EYS: variants seen among roughly 807,000 people sequenced by gnomAD.
EYS encodes EGF-like photoreceptor maintenance factor, also known as protein eyes shut homolog.
A neutral mutation model predicts 282.1 loss-of-function variants in EYS; 250 were observed. The observed-to-expected ratio is 0.89, with a 90% CI of 0.80 to 0.98. The LOEUF is 0.98. EYS is among the 50% of genes least tolerant of loss of function. The pLI, the probability that EYS is intolerant of heterozygous loss-of-function variation, is 0.00. For synonymous variants in EYS, 1,355 were observed against 1,282.9 expected (o/e 1.06, Z -1.20); for missense variants, 4,016 against 3,709.0 (o/e 1.08, Z -2.15).
intron 26 of EYS, among the ~76,000 whole-genome samples, chr6:64,493,037 A>G (rs1776785161): frequency 6.6e-6 from 1 of 151,428 alleles, no homozygotes; most frequent in Non-Finnish European, 1.5e-5. Flanking sequence ...AGCAATCTTA[A>G]GTTGTAATTC....
chr6:65,241,231 C>G (rs982999856), intron 12 of EYS, among the ~76,000 whole-genome samples: 7 of 152,070 alleles, frequency 4.6e-5, no homozygotes, highest in African/African-American at 1.7e-4. Flanking sequence ...AATAGATATA[C>G]TCATAAAACT....
At chr6:65,142,858 G>A (rs2150209992) in intron 12 of EYS, among the ~76,000 whole-genome samples, 1 of 152,038 alleles carries the variant, frequency 6.6e-6, no homozygotes, top group East Asian at 1.9e-4. Flanking sequence ...CTTTAAAAAT[G>A]AAGCATATTG....
intron 13 of EYS, among the ~76,000 whole-genome samples, chr6:65,017,386 G>A (rs987598455): frequency 6.6e-6 from 1 of 151,904 alleles, no homozygotes; most frequent in African/African-American, 2.4e-5. Context: ...ATTTTTTATT[G>A]TTTTAAAAAG....
At chr6:65,105,968 G>T (rs2150185822) in intron 12 of EYS, among the ~76,000 whole-genome samples, 1 of 152,042 alleles carries the variant, frequency 6.6e-6, no homozygotes, top group East Asian at 1.9e-4. Context: ...GATGACCATG[G>T]AGAAAGATAG....
intron 35 of EYS, among the ~76,000 whole-genome samples, chr6:63,911,758 T>C (rs966631420): frequency 1.3e-5 from 2 of 152,244 alleles, no homozygotes; most frequent in Admixed American, 1.3e-4. Flanking sequence ...ATTATACTAA[T>C]TGGAGATACC....
chr6:65,498,007 A>G (rs1159701663), intron 2 of EYS, among the ~76,000 whole-genome samples: 1 of 152,068 alleles, frequency 6.6e-6, no homozygotes, highest in East Asian at 1.9e-4. Context: ...ATGAAGACTA[A>G]TTAGTACAGA....
intron 31 of EYS, among the ~76,000 whole-genome samples, chr6:64,165,062 G>A (rs1764242216): frequency 1.3e-5 from 2 of 152,004 alleles, no homozygotes; most frequent in Non-Finnish European, 2.9e-5. Context: ...ATGACGAATG[G>A]GTTTAGTGAG....
chr6:64,962,891 A>G (rs1430124783), intron 14 of EYS, among the ~76,000 whole-genome samples: 3 of 152,212 alleles, frequency 2.0e-5, no homozygotes, highest in South Asian at 4.1e-4. Context: ...ACAAATTTCT[A>G]TAATTTTGAT....
At position 65,552,815 on chromosome 6, in the gene EYS, C is replaced by T. The variant is rs572300370; in HGVS notation, c.-332-56822G>A. ...TATCTTTCATATTAGAGCTAAGATT[C>T]AAAATAAAAGGGGTAACCAAAATTG... On this transcript the variant is annotated intron_variant, in intron 2 of 42. Coordinates refer to ENST00000503581, the MANE Select transcript of EYS (RefSeq NM_001142800.2). Among the ~76,000 whole-genome samples the T allele has an allele frequency of 3.2e-4, 48 of 151,970 alleles. 1 individual carries two copies. Among genetic ancestry groups the T allele is most frequent in the African/African-American group, 8.7e-4 (36 of 41,494 alleles).
chr6:64,092,632 C>T (rs1316113703), intron 31 of EYS, among the ~76,000 whole-genome samples: 1 of 152,058 alleles, frequency 6.6e-6, no homozygotes, highest in African/African-American at 2.4e-5. Flanking sequence ...TGTTTGAGTA[C>T]ATTGTAGATT....
intron 33 of EYS, among the ~76,000 whole-genome samples, chr6:64,065,445 T>C (rs376317404): frequency 6.6e-6 from 1 of 152,216 alleles, no homozygotes; most frequent in African/African-American, 2.4e-5. Flanking sequence ...TAAATTTTGT[T>C]TAGTAATGCC....
intron 31 of EYS, among the ~76,000 whole-genome samples, chr6:64,210,403 C>T (rs1435300406): frequency 6.6e-6 from 1 of 152,054 alleles, no homozygotes. Context: ...TCTCTGTGTC[C>T]TCTCATGGTT....
intron 26 of EYS, among the ~76,000 whole-genome samples, chr6:64,449,457 C>A (rs1775240175): frequency 1.3e-5 from 2 of 152,204 alleles, no homozygotes; most frequent in South Asian, 4.1e-4. Context: ...GGAGAACTTC[C>A]CCAATCTAGC....
At chr6:65,700,340 T>G (rs1325571517) in intron 1 of EYS, among the ~76,000 whole-genome samples, 1 of 151,822 alleles carries the variant, frequency 6.6e-6, no homozygotes, top group African/African-American at 2.4e-5. Context: ...ATTTTAATGA[T>G]AGATATTAGG....
chr6:64,339,293 A>G (rs970746851), intron 29 of EYS, among the ~76,000 whole-genome samples: 2 of 151,992 alleles, frequency 1.3e-5, no homozygotes, highest in African/African-American at 2.4e-5. Context: ...AGAAAAAAAA[A>G]GCAATCCCAT....
At chr6:64,893,439 T>C (rs935457786) in intron 18 of EYS, among the ~76,000 whole-genome samples, 1 of 152,120 alleles carries the variant, frequency 6.6e-6, no homozygotes, top group African/African-American at 2.4e-5. Flanking sequence ...CAGTTTAATT[T>C]ACTTTGAAGT....
intron 34 of EYS, among the ~76,000 whole-genome samples, chr6:63,987,319 C>T (rs1767413904): frequency 6.6e-6 from 1 of 151,538 alleles, no homozygotes; most frequent in African/African-American, 2.4e-5. Context: ...GTGAGATGTA[C>T]CACTGTCAAA....
chr6:65,352,446 TAGAAATGTAATCAA>T (rs1764320394), intron 9 of EYS, among the ~76,000 whole-genome samples: 1 of 151,858 alleles, frequency 6.6e-6, no homozygotes, highest in South Asian at 2.1e-4. Context: ...TAAATAATAT[TAGAAATGTAATCAA>T]AGAATGAAAA....
intron 22 of EYS, among the ~76,000 whole-genome samples, chr6:64,758,446 G>T (rs1233594672): frequency 1.3e-5 from 2 of 151,892 alleles, no homozygotes; most frequent in East Asian, 1.9e-4. Flanking sequence ...GGTTTTTTTT[G>T]ATTAGAGACA....
Sources: allele counts gnomAD v4.1 joint callset (sites outside exome capture counted in the v4.1 genomes callset), GRCh38; gene constraint gnomAD v4.1.1; transcripts MANE v1.5; gene names NCBI Gene and HGNC (gene_info 2026-07-23, HGNC 2026-07-21).